NFASC: variants seen among roughly 807,000 people sequenced by gnomAD.
NFASC encodes neurofascin homolog.
In NFASC, 43 loss-of-function variants were observed where a neutral mutation model predicts 147.5. The observed-to-expected ratio is 0.29, with a 90% CI of 0.23 to 0.38. NFASC has a LOEUF of 0.38. NFASC is among the 10% of genes least tolerant of loss of function. The pLI is 1.00. For synonymous variants in NFASC, 622 were observed against 665.5 expected (o/e 0.93, Z 1.01); for missense variants, 1,320 against 1,689.0 (o/e 0.78, Z 3.83).
chr1:204,963,344 T>A (rs974209157), intron 8 of NFASC, among the ~76,000 whole-genome samples: 1 of 152,216 alleles, frequency 6.6e-6, no homozygotes, highest in African/African-American at 2.4e-5. Flanking sequence ...AGAGCCCTGG[T>A]ATGGAATGGG....
intron 1 of NFASC, among the ~76,000 whole-genome samples, chr1:204,859,264 A>G (rs2076460927): frequency 6.6e-6 from 1 of 152,170 alleles, no homozygotes. Context: ...TGCTCTGCTC[A>G]CTGTGCCAGG....
At chr1:205,002,832 C>T (rs542161649) in intron 27 of NFASC, 84 bp downstream of exon 27, 13 of 1,116,524 alleles carry the variant, frequency 1.2e-5, no homozygotes, top group Middle Eastern at 3.4e-4. Flanking sequence ...CCTCTCTCCT[C>T]GGAAAGAAGA....
At chr1:204,877,055 TTTATTTA>T (rs2079119828) in intron 1 of NFASC, among the ~76,000 whole-genome samples, 1 of 97,464 alleles carries the variant, frequency 1.0e-5, no homozygotes. Flanking sequence ...ATATAATATA[TTTATTTA>T]TATATTTATA....
At chr1:204,988,973 C>T in intron 23 of NFASC, 167 bp downstream of exon 23, 1 of 652,968 alleles carries the variant, frequency 1.5e-6, no homozygotes, top group Non-Finnish European at 2.7e-6. Context: ...GAGGTAGGTG[C>T]TGGCATTGTA....
At chr1:204,915,786 C>A (rs939028503) in intron 1 of NFASC, among the ~76,000 whole-genome samples, 1 of 152,198 alleles carries the variant, frequency 6.6e-6, no homozygotes, top group Non-Finnish European at 1.5e-5. Flanking sequence ...GAAATACGCC[C>A]TTATGGAATT....
chr1:204,877,365 G>A (rs904455896), intron 1 of NFASC, among the ~76,000 whole-genome samples: 11 of 152,120 alleles, frequency 7.2e-5, no homozygotes, highest in Non-Finnish European at 1.3e-4. Flanking sequence ...GCCAGAACCA[G>A]TGCATGGTCA....
intron 3 of NFASC, chr1:204,948,645 G>A (rs778243457): frequency 1.9e-6 from 1 of 519,066 alleles, no homozygotes. Flanking sequence ...TCTCCTTCTA[G>A]CTCTGCAGCA....
At chr1:204,977,779 T>C in intron 17 of NFASC, 54 bp downstream of exon 17, 1 of 1,547,596 alleles carries the variant, frequency 6.5e-7, no homozygotes. Flanking sequence ...GCACCCAGGG[T>C]GTGGAGTCTG....
rs1378847440 is a variant in NFASC, at chr1:204,997,420, C to T, written c.3019+14C>T. 7 of 1,551,654 alleles carry T rather than the reference C, an allele frequency of 4.5e-6. No homozygotes were observed. The highest frequency in any genetic ancestry group is 2.4e-5 in the East Asian group (1 of 40,926). The stretch of plus-strand genomic sequence containing the variant: ...TACACGAATCCGGTACTGCGCATCG[C>T]CCATGCTCCCCATCCCCTCCTGGCC... On this transcript the variant is annotated intron_variant, in intron 25 of 29. Transcript: ENST00000339876.
At chr1:204,944,736 G>T in intron 3 of NFASC, 1 of 299,676 alleles carries the variant, frequency 3.3e-6, no homozygotes. Context: ...CACCTCTCCA[G>T]GTCCTCTGTG....
rs370375266 is a variant in NFASC, at chr1:205,002,685, C to T, written c.3226C>T (p.Arg1076Trp). The change falls in exon 27 of 30, where the codon CGG (arginine) becomes TGG (tryptophan). Residue 1076 changes from arginine to tryptophan, a missense_variant. Around this residue, in one of 3 missense-constraint regions of NFASC, gnomAD observed 167 missense variants for 233.8 expected, o/e 0.71. Coordinates refer to ENST00000339876, the MANE Select transcript of NFASC (RefSeq NM_001005388.3). ...DLYPGMTYTL[R>W]VYSRDNEGIS... The stretch of plus-strand genomic sequence containing the variant: ...CTATCCCGGGATGACATACACGTTG[C>T]GGGTTTATTCCCGGGACAACGAGGG... 4 of 1,584,112 alleles carry T rather than the reference C, an allele frequency of 2.5e-6. No homozygotes were observed. The highest frequency in any genetic ancestry group is 3.5e-6 in the Non-Finnish European group (4 of 1,157,828).
Position 204,849,189 on chromosome 1 carries a change from T to C in NFASC, c.-200+20407T>C, listed in dbSNP as rs540197876. Among the ~76,000 whole-genome samples the C allele has an allele frequency of 1.6e-4, 25 of 152,258 alleles. 2 individuals are homozygous for C. Among genetic ancestry groups the C allele is most frequent in the East Asian group, 7.7e-4 (4 of 5,176 alleles). ...TTCGTGGACTTAGCAGCCTCAACCA[T>C]GTGTGTTTGAGCCTCTCTACCGAAA... On this transcript the variant is annotated intron_variant, in intron 1 of 29. Transcript: ENST00000339876.
At chr1:204,870,261 G>A (rs551241298) in intron 1 of NFASC, among the ~76,000 whole-genome samples, 2 of 152,354 alleles carry the variant, frequency 1.3e-5, no homozygotes, top group South Asian at 4.1e-4. Flanking sequence ...TCAAGTGAAA[G>A]AGAGAGGTTT....
intron 2 of NFASC, among the ~76,000 whole-genome samples, chr1:204,922,559 T>G (rs1438243232): frequency 6.6e-6 from 1 of 152,214 alleles, no homozygotes; most frequent in Non-Finnish European, 1.5e-5. Flanking sequence ...CCCATTTGAT[T>G]GGTGAATAAA....
At chr1:205,002,121 G>A (rs2096001611) in intron 26 of NFASC, among the ~76,000 whole-genome samples, 1 of 152,178 alleles carries the variant, frequency 6.6e-6, no homozygotes, top group African/African-American at 2.4e-5. Context: ...TTTTTCTGAT[G>A]TGGGAATTCA....
chr1:204,984,136 G>A (rs1558366773), intron 21 of NFASC: 2 of 1,612,360 alleles, frequency 1.2e-6, no homozygotes, highest in South Asian at 1.1e-5. Context: ...AGCTCAGAGA[G>A]TACCGAGTGA....
chr1:204,973,525 C>A (rs1558314206), intron 12 of NFASC, 106 bp downstream of exon 12: 2 of 1,386,512 alleles, frequency 1.4e-6, no homozygotes, highest in East Asian at 5.0e-5. Context: ...GGGGATTGGC[C>A]AAGCTGGGTG....
At chr1:204,916,081 C>T (rs1305189552) in intron 1 of NFASC, among the ~76,000 whole-genome samples, 1 of 152,146 alleles carries the variant, frequency 6.6e-6, no homozygotes, top group East Asian at 1.9e-4. Context: ...TTCAGAGGAA[C>T]GAATGAGGTG....
intron 1 of NFASC, among the ~76,000 whole-genome samples, chr1:204,910,424 G>A (rs900970217): frequency 3.9e-5 from 6 of 151,990 alleles, no homozygotes; most frequent in African/African-American, 7.2e-5. Flanking sequence ...CAACTTTGGT[G>A]TATTCATTTA....
Sources: gnomAD v4.1 joint callset for allele counts (sites outside exome capture counted in the v4.1 genomes callset) on GRCh38, gnomAD v4.1.1 for gene constraint, gnomAD v4.1.1 regional missense constraint, MANE v1.5 for transcripts, NCBI Gene and HGNC (gene_info 2026-07-23, HGNC 2026-07-21) for gene names.